Variants in TRAF3 observed in about 807,000 individuals in gnomAD.
The protein encoded by TRAF3 is TNF receptor-associated factor 3.
Under a neutral mutation model 62.3 loss-of-function variants are expected in TRAF3, and 13 were observed. The ratio of observed to expected loss-of-function variants is 0.21; its 90% CI spans 0.14 to 0.33. TRAF3 has a LOEUF of 0.33. Ranked by LOEUF, TRAF3 falls within the 10% of genes least tolerant of loss-of-function variation. The probability of loss-of-function intolerance (pLI) is 1.00; values close to 1 mark genes in which losing one functional copy is unlikely to be tolerated. For synonymous variants in TRAF3, 269 were observed against 283.4 expected (o/e 0.95, Z 0.51); for missense variants, 440 against 741.8 (o/e 0.59, Z 4.73).
chr14:102,864,185 C>T (rs367782769), intron 2 of TRAF3, among the ~76,000 whole-genome samples: 1 of 140,904 alleles, frequency 7.1e-6, no homozygotes, highest in Non-Finnish European at 1.5e-5. Flanking sequence ...TTCTTGCGCT[C>T]TCACCCGGGC....
chr14:102,781,048 G>A (rs1897254378), intron 1 of TRAF3, among the ~76,000 whole-genome samples: 1 of 152,250 alleles, frequency 6.6e-6, no homozygotes, highest in South Asian at 2.1e-4. Flanking sequence ...AGTGGATTGT[G>A]TAGAATTCTG....
intron 2 of TRAF3, among the ~76,000 whole-genome samples, chr14:102,867,309 TAAAA>T (rs1888058385): frequency 6.6e-6 from 1 of 152,196 alleles, no homozygotes. Context: ...TTATAACACT[TAAAA>T]AATCTAAAAA....
chr14:102,777,952 G>A (rs79589176), intron 1 of TRAF3, among the ~76,000 whole-genome samples: 69,204 of 149,514 alleles, frequency 0.46, 17,619 homozygotes, highest in Non-Finnish European at 0.58. Context: ...GGGGGCCGGG[G>A]CGCCCGCACC....
At position 102,793,728 on chromosome 14, in the gene TRAF3, C is replaced by G. The variant is rs184494367; in HGVS notation, c.-157+16053C>G. Among the ~76,000 whole-genome samples the G allele has an allele frequency of 1.8e-3, 268 of 152,332 alleles. 1 individual carries two copies. Among genetic ancestry groups the G allele is most frequent in the African/African-American group, 6.3e-3 (263 of 41,574 alleles). On this transcript the variant is annotated intron_variant, in intron 1 of 11. Transcript: ENST00000392745. ...CAGTGCAGGATCAGGGAAGGGAACT[C>G]TATTCCTGATGCCAGGACAGGAAAG...
chr14:102,812,667 C>T (rs1040229626), intron 1 of TRAF3, among the ~76,000 whole-genome samples: 1 of 152,136 alleles, frequency 6.6e-6, no homozygotes, highest in African/African-American at 2.4e-5. Flanking sequence ...CGCCTGTAAT[C>T]CCAGCACTTT....
chr14:102,823,642 T>A (rs1326977480), intron 1 of TRAF3, among the ~76,000 whole-genome samples: 1 of 152,234 alleles, frequency 6.6e-6, no homozygotes. Flanking sequence ...GTTTTCTTGT[T>A]GTTTTTTAAT....
At chr14:102,805,759 T>G (rs1482817056) in intron 1 of TRAF3, among the ~76,000 whole-genome samples, 1 of 152,214 alleles carries the variant, frequency 6.6e-6, no homozygotes, top group East Asian at 1.9e-4. Context: ...TTCCGAAGAT[T>G]GTCCAATTTA....
At chr14:102,778,340 C>T (rs1454112625) in intron 1 of TRAF3, among the ~76,000 whole-genome samples, 2 of 151,984 alleles carry the variant, frequency 1.3e-5, no homozygotes, top group African/African-American at 4.8e-5. Context: ...CGGTTCCACG[C>T]CGCCAGCCAG....
At chr14:102,900,508 AAAG>A (rs1234397376) in intron 10 of TRAF3, among the ~76,000 whole-genome samples, 3 of 152,074 alleles carry the variant, frequency 2.0e-5, no homozygotes, top group Non-Finnish European at 2.9e-5. Context: ...CAAAGAAAAA[AAAG>A]AAGATAGCAT....
At chr14:102,882,335 G>A (rs1213809463) in intron 6 of TRAF3, among the ~76,000 whole-genome samples, 1 of 152,204 alleles carries the variant, frequency 6.6e-6, no homozygotes, top group Non-Finnish European at 1.5e-5. Context: ...TTTGAGCAGT[G>A]TTGACAGTAG....
At position 102,809,821 on chromosome 14, in the gene TRAF3, C is replaced by G. The variant is rs188903253; in HGVS notation, c.-156-20513C>G. Among the ~76,000 whole-genome samples, 64 of 152,142 alleles carry G rather than the reference C, an allele frequency of 4.2e-4. 1 individual carries two copies. In the East Asian group the frequency reaches 0.011, roughly 27 times the overall value. ...CTGGGATTACAGGCATGAGCCACCG[C>G]GCTTGGCCCACAGCATAGACTTTTA... On this transcript the variant is annotated intron_variant, in intron 1 of 11. Transcript: ENST00000392745.
At chr14:102,791,516 T>G (rs1191021785) in intron 1 of TRAF3, among the ~76,000 whole-genome samples, 1 of 152,198 alleles carries the variant, frequency 6.6e-6, no homozygotes, top group Non-Finnish European at 1.5e-5. Flanking sequence ...TAGAAACAAC[T>G]GATTTTTGTA....
intron 5 of TRAF3, 135 bp from the exon 6 acceptor site, chr14:102,876,223 C>G: frequency 1.1e-6 from 1 of 878,940 alleles, no homozygotes; most frequent in Non-Finnish European, 1.8e-6. Flanking sequence ...ACTTGTTACT[C>G]TTTGCTGTGG....
At chr14:102,899,257 C>T (rs1046384093) in intron 10 of TRAF3, among the ~76,000 whole-genome samples, 1 of 152,182 alleles carries the variant, frequency 6.6e-6, no homozygotes, top group African/African-American at 2.4e-5. Context: ...TGTCCATCCT[C>T]AGGAAATGCT....
chr14:102,789,959 C>T (rs1269998502), intron 1 of TRAF3, among the ~76,000 whole-genome samples: 2 of 151,978 alleles, frequency 1.3e-5, no homozygotes, highest in Non-Finnish European at 2.9e-5. Flanking sequence ...TCCTGAGTAA[C>T]TGGGACTACA....
intron 1 of TRAF3, among the ~76,000 whole-genome samples, chr14:102,794,839 A>G (rs527444100): frequency 2.6e-5 from 4 of 152,344 alleles, no homozygotes; most frequent in East Asian, 3.9e-4. Context: ...AATTACCTCT[A>G]TAAAATGTAT....
chr14:102,895,209 T>C (rs1218861023), intron 9 of TRAF3: 1 of 434,148 alleles, frequency 2.3e-6, no homozygotes, highest in African/African-American at 2.0e-5. Flanking sequence ...GGTTGATCAC[T>C]TGTAGGAGTT....
chr14:102,801,043 G>A (rs1379317412), intron 1 of TRAF3, among the ~76,000 whole-genome samples: 2 of 152,274 alleles, frequency 1.3e-5, no homozygotes, highest in East Asian at 1.9e-4. Flanking sequence ...GCGGGCGCCT[G>A]TAGTCCCAGC....
At chr14:102,845,366 C>A (rs546440269) in intron 2 of TRAF3, among the ~76,000 whole-genome samples, 1 of 151,752 alleles carries the variant, frequency 6.6e-6, no homozygotes, top group South Asian at 2.1e-4. Flanking sequence ...CTAGCTCTGG[C>A]TAATTTTTTT....
Sources: allele counts gnomAD v4.1 joint callset (sites outside exome capture counted in the v4.1 genomes callset), GRCh38; gene constraint gnomAD v4.1.1; transcripts MANE v1.5; gene names NCBI Gene and HGNC (gene_info 2026-07-23, HGNC 2026-07-21).